RIMS2: variants seen among roughly 807,000 people sequenced by gnomAD.
The protein encoded by RIMS2 is regulating synaptic membrane exocytosis 2.
A neutral mutation model predicts 174.4 loss-of-function variants in RIMS2; 59 were observed. That is an observed-to-expected ratio of 0.34 (90% CI 0.27 to 0.42). The LOEUF (loss-of-function observed/expected upper bound fraction) is 0.42. Among genes scored for constraint, RIMS2 ranks in the 10% least tolerant of loss-of-function variants. RIMS2 has a pLI of 1.00. For missense variants in RIMS2, 1,620 were observed against 1,666.3 expected (o/e 0.97, Z 0.48); for synonymous variants, 606 against 572.5 (o/e 1.06, Z -0.84).
intron 1 of RIMS2, among the ~76,000 whole-genome samples, chr8:103,512,713 G>T (rs1827136315): frequency 6.6e-6 from 1 of 152,046 alleles, no homozygotes; most frequent in Non-Finnish European, 1.5e-5. Context: ...AACTATCACA[G>T]GATTGATAGA....
At chr8:103,840,058 T>A (rs918405396) in intron 3 of RIMS2, among the ~76,000 whole-genome samples, 2 of 152,212 alleles carry the variant, frequency 1.3e-5, no homozygotes, top group African/African-American at 4.8e-5. Context: ...CTCAAGAATC[T>A]CAGCCTTATG....
Position 104,043,220 on chromosome 8 carries a change from AAT to A in RIMS2, c.3334+28609_3334+28610del, listed in dbSNP as rs370894702. ...GGAAAAGAAAAAAATGAAGGTAGTT[AAT>A]ATAAACTAGGCTTCTTGATGGCTTG... On this transcript the variant is annotated intron_variant, in intron 19 of 23. Coordinates refer to ENST00000504942, the Ensembl canonical transcript of RIMS2. Among the ~76,000 whole-genome samples, 702 of 151,772 alleles carry A rather than the reference AAT, an allele frequency of 4.6e-3. 3 individuals are homozygous for A. Among genetic ancestry groups the A allele is most frequent in the African/African-American group, 0.015 (634 of 41,520 alleles).
intron 1 of RIMS2, among the ~76,000 whole-genome samples, chr8:103,651,106 T>G (rs540942302): frequency 6.6e-6 from 1 of 152,284 alleles, no homozygotes; most frequent in South Asian, 2.1e-4. Context: ...AGGACCCTGG[T>G]GATGTGGGTT....
At chr8:103,587,767 A>G (rs1404561103) in intron 1 of RIMS2, among the ~76,000 whole-genome samples, 1 of 152,122 alleles carries the variant, frequency 6.6e-6, no homozygotes, top group Non-Finnish European at 1.5e-5. Context: ...CTTCAACATA[A>G]TAAAAGCCAC....
chr8:103,903,778 C>A (rs1258781670), intron 4 of RIMS2, among the ~76,000 whole-genome samples: 1 of 152,068 alleles, frequency 6.6e-6, no homozygotes. Context: ...CTAGCCTTTT[C>A]TTTGAACACC....
intron 3 of RIMS2, among the ~76,000 whole-genome samples, chr8:103,831,958 G>A (rs903960595): frequency 2.0e-5 from 3 of 152,186 alleles, no homozygotes; most frequent in Non-Finnish European, 4.4e-5. Flanking sequence ...TGTCTCATGG[G>A]TCTAACCCTT....
intron 1 of RIMS2, among the ~76,000 whole-genome samples, chr8:103,629,059 T>C (rs1400683837): frequency 6.6e-6 from 1 of 152,172 alleles, no homozygotes; most frequent in Non-Finnish European, 1.5e-5. Context: ...TGTTCCCAGA[T>C]GCAGGCTCTC....
At chr8:103,586,967 T>C (rs1304182469) in intron 1 of RIMS2, among the ~76,000 whole-genome samples, 1 of 152,014 alleles carries the variant, frequency 6.6e-6, no homozygotes, top group African/African-American at 2.4e-5. Context: ...CTGTATGCTA[T>C]CAATATATTA....
chr8:103,545,983 G>A (rs546593599), intron 1 of RIMS2, among the ~76,000 whole-genome samples: 13 of 152,186 alleles, frequency 8.5e-5, no homozygotes, highest in East Asian at 1.9e-4. Flanking sequence ...CAAGTCTGCC[G>A]TAATAACCAG....
intron 1 of RIMS2, among the ~76,000 whole-genome samples, chr8:103,656,841 C>A (rs1185350076): frequency 6.6e-6 from 1 of 152,112 alleles, no homozygotes; most frequent in African/African-American, 2.4e-5. Context: ...TGTGGACTAA[C>A]TTAAAAGTTA....
intron 2 of RIMS2, among the ~76,000 whole-genome samples, chr8:103,704,251 A>G (rs1044082322): frequency 2.0e-5 from 3 of 150,940 alleles, no homozygotes; most frequent in East Asian, 1.9e-4. Context: ...CTTTATTTCT[A>G]TTATTGTGGT....
intron 1 of RIMS2, among the ~76,000 whole-genome samples, chr8:103,564,613 C>A (rs1466954190): frequency 6.6e-6 from 1 of 152,120 alleles, no homozygotes; most frequent in African/African-American, 2.4e-5. Context: ...ACTTGGAGTC[C>A]AGTGTTTGAG....
At chr8:103,842,660 G>A (rs763316281) in intron 3 of RIMS2, among the ~76,000 whole-genome samples, 3 of 152,058 alleles carry the variant, frequency 2.0e-5, no homozygotes, top group Non-Finnish European at 4.4e-5. Context: ...CCATGAACAC[G>A]TAGAATTGCT....
At chr8:104,081,972 A>T (rs1050362987) in intron 19 of RIMS2, among the ~76,000 whole-genome samples, 1 of 151,024 alleles carries the variant, frequency 6.6e-6, no homozygotes, top group African/African-American at 2.4e-5. Flanking sequence ...GCATTTGAAT[A>T]TTTTTTTTTC....
At chr8:103,605,930 G>A (rs1321093518) in intron 1 of RIMS2, among the ~76,000 whole-genome samples, 2 of 147,746 alleles carry the variant, frequency 1.4e-5, no homozygotes, top group Non-Finnish European at 3.0e-5. Flanking sequence ...TATCAATTTT[G>A]TTGATCCTTT....
chr8:104,153,509 C>T (rs1020896287), intron 19 of RIMS2, among the ~76,000 whole-genome samples: 16 of 152,068 alleles, frequency 1.1e-4, no homozygotes, highest in African/African-American at 3.9e-4. Context: ...ATCAAGAGTT[C>T]TGTTTTAGAC....
chr8:104,018,687 C>T (rs1049116957), intron 19 of RIMS2, among the ~76,000 whole-genome samples: 9 of 151,978 alleles, frequency 5.9e-5, no homozygotes, highest in African/African-American at 2.2e-4. Context: ...AGCTTTAGCC[C>T]ATTCTCCTAT....
intron 19 of RIMS2, among the ~76,000 whole-genome samples, chr8:104,070,759 T>C (rs2097182575): frequency 6.6e-6 from 1 of 152,190 alleles, no homozygotes; most frequent in Non-Finnish European, 1.5e-5. Context: ...ATGTAGATGA[T>C]TTATAAAAAT....
At chr8:103,751,313 A>G (rs1349058422) in intron 2 of RIMS2, among the ~76,000 whole-genome samples, 1 of 151,912 alleles carries the variant, frequency 6.6e-6, no homozygotes, top group Non-Finnish European at 1.5e-5. Context: ...TCCATGGTGT[A>G]TATGTGCCAC....
Sources: allele counts gnomAD v4.1 joint callset (sites outside exome capture counted in the v4.1 genomes callset), GRCh38; gene constraint gnomAD v4.1.1; transcripts MANE v1.5; gene names NCBI Gene and HGNC (gene_info 2026-07-23, HGNC 2026-07-21).